Variants in FAR2 observed in about 807,000 individuals in gnomAD.
FAR2 encodes the protein fatty acyl-CoA reductase 2, also known as epididymis secretory protein Li 81.
In FAR2, 19 loss-of-function variants were observed where a neutral mutation model predicts 56.0. The observed-to-expected ratio is 0.34, with a 90% CI of 0.24 to 0.50. The LOEUF (loss-of-function observed/expected upper bound fraction) is 0.50, where lower values mean the gene tolerates loss of function less well. FAR2 is among the 20% of genes least tolerant of loss of function. The pLI is 0.98. For synonymous variants in FAR2, 219 were observed against 218.8 expected (o/e 1.00, Z -0.01); for missense variants, 508 against 642.2 (o/e 0.79, Z 2.26).
chr12:29,213,368 G>A (rs962511966), intron 1 of FAR2, among the ~76,000 whole-genome samples: 1 of 152,102 alleles, frequency 6.6e-6, no homozygotes, highest in African/African-American at 2.4e-5. Flanking sequence ...GAATCATAAA[G>A]GCCCCTGCCA....
intron 1 of FAR2, among the ~76,000 whole-genome samples, chr12:29,207,339 T>C (rs1947487606): frequency 6.6e-6 from 1 of 152,180 alleles, no homozygotes; most frequent in Non-Finnish European, 1.5e-5. Flanking sequence ...TTCTCTCAAA[T>C]ACAGGATCCT....
chr12:29,163,093 G>A (rs1206557654), intron 1 of FAR2, among the ~76,000 whole-genome samples: 1 of 152,158 alleles, frequency 6.6e-6, no homozygotes, highest in Non-Finnish European at 1.5e-5. Context: ...AGAGTGAGGG[G>A]AGACCTGGGA....
chr12:29,254,877 CAGG>C (rs1948290678), intron 1 of FAR2, among the ~76,000 whole-genome samples: 1 of 150,808 alleles, frequency 6.6e-6, no homozygotes, highest in Non-Finnish European at 1.5e-5. Context: ...CACTTGAACC[CAGG>C]AGGCGGAGGT....
intron 1 of FAR2, among the ~76,000 whole-genome samples, chr12:29,245,942 A>T (rs974335158): frequency 5.3e-5 from 8 of 152,064 alleles, no homozygotes; most frequent in Non-Finnish European, 8.8e-5. Context: ...TACACAAATG[A>T]TTTACTATTC....
At chr12:29,321,547 T>C (rs886519173) in intron 9 of FAR2, among the ~76,000 whole-genome samples, 7 of 152,172 alleles carry the variant, frequency 4.6e-5, no homozygotes, top group South Asian at 2.1e-4. Flanking sequence ...TCTTGAGAAA[T>C]AGGTGTTAGA....
intron 1 of FAR2, among the ~76,000 whole-genome samples, chr12:29,254,843 C>T (rs1948289871): frequency 2.0e-5 from 3 of 151,572 alleles, no homozygotes; most frequent in South Asian, 2.1e-4. Flanking sequence ...ATCCCAGCTA[C>T]TTGGGAGGCT....
At chr12:29,232,640 G>T (rs1023966740) in intron 1 of FAR2, among the ~76,000 whole-genome samples, 13 of 151,766 alleles carry the variant, frequency 8.6e-5, no homozygotes, top group Non-Finnish European at 1.9e-4. Context: ...ATCTTTTTTG[G>T]TCAGGCCATC....
At chr12:29,186,541 C>T (rs139638630) in intron 1 of FAR2, among the ~76,000 whole-genome samples, 1 of 152,188 alleles carries the variant, frequency 6.6e-6, no homozygotes, top group African/African-American at 2.4e-5. Flanking sequence ...TAAGGAGTTG[C>T]GAATTGATTT....
chr12:29,302,634 G>T (rs1246775800), intron 4 of FAR2, among the ~76,000 whole-genome samples: 1 of 152,208 alleles, frequency 6.6e-6, no homozygotes, highest in African/African-American at 2.4e-5. Flanking sequence ...ATGCAGTAGA[G>T]ATCCATTGAA....
At chr12:29,290,920 CCTA>C (rs1024701111) in intron 2 of FAR2, among the ~76,000 whole-genome samples, 2 of 152,004 alleles carry the variant, frequency 1.3e-5, no homozygotes, top group Non-Finnish European at 2.9e-5. Context: ...ATTAATAAGA[CCTA>C]CTATTTGATA....
intron 1 of FAR2, among the ~76,000 whole-genome samples, chr12:29,157,600 A>G (rs1002905489): frequency 9.9e-5 from 15 of 152,216 alleles, no homozygotes; most frequent in Admixed American, 5.2e-4. Flanking sequence ...CAGGATGACC[A>G]TAGGAGGCAA....
At chr12:29,316,292 A>G (rs1364091905) in intron 8 of FAR2, among the ~76,000 whole-genome samples, 1 of 152,250 alleles carries the variant, frequency 6.6e-6, no homozygotes. Flanking sequence ...TATTATGAAT[A>G]AAACTCTGGA....
chr12:29,184,145 T>A (rs1332830236), intron 1 of FAR2, among the ~76,000 whole-genome samples: 1 of 152,150 alleles, frequency 6.6e-6, no homozygotes, highest in Non-Finnish European at 1.5e-5. Context: ...GGCAGAAAAT[T>A]TCTGAGAGGC....
At chr12:29,223,082 C>T (rs1947715847) in intron 1 of FAR2, among the ~76,000 whole-genome samples, 1 of 152,108 alleles carries the variant, frequency 6.6e-6, no homozygotes. Context: ...ATCTCTTAGT[C>T]CTCCCAACAG....
intron 2 of FAR2, among the ~76,000 whole-genome samples, chr12:29,291,180 G>C (rs540200107): frequency 6.6e-6 from 1 of 152,070 alleles, no homozygotes; most frequent in South Asian, 2.1e-4. Flanking sequence ...AAGAAAAAAA[G>C]AATCAAGGAG....
At chr12:29,250,759 A>C (rs1336554833) in intron 1 of FAR2, among the ~76,000 whole-genome samples, 1 of 152,196 alleles carries the variant, frequency 6.6e-6, no homozygotes, top group Non-Finnish European at 1.5e-5. Flanking sequence ...CATATAGTGA[A>C]TGTGTTAGGA....
At chr12:29,237,742 ATAAC>A (rs1947962936) in intron 1 of FAR2, among the ~76,000 whole-genome samples, 1 of 152,226 alleles carries the variant, frequency 6.6e-6, no homozygotes, top group Admixed American at 6.5e-5. Context: ...ACTTAGGAAA[ATAAC>A]AGACAGCATT....
At chr12:29,280,785 G>A (rs149875232) in intron 2 of FAR2, 99 of 152,344 alleles carry the variant, frequency 6.5e-4, no homozygotes, top group Middle Eastern at 3.4e-3. Context: ...AAGAGGCACT[G>A]GACATCATGT....
At position 29,223,228 on chromosome 12, in the gene FAR2, T is replaced by A. The variant is rs373654158; in HGVS notation, c.-38-47184T>A. Among the ~76,000 whole-genome samples, 11 of 152,292 alleles carry A rather than the reference T, an allele frequency of 7.2e-5. No individual in the cohort carries two copies. The East Asian group carries it at 1.7e-3, about 24-fold the overall frequency. On this transcript the variant is annotated intron_variant, in intron 1 of 11. Coordinates refer to ENST00000536681, the MANE Select transcript of FAR2 (RefSeq NM_001271783.2). ...GTTACTCAATTATAATATGTCAGGT[T>A]TGTGATTGGAACCTAGCACTATAAC...
Sources: gnomAD v4.1 joint callset for allele counts (sites outside exome capture counted in the v4.1 genomes callset) on GRCh38, gnomAD v4.1.1 for gene constraint, MANE v1.5 for transcripts, NCBI Gene and HGNC (gene_info 2026-07-23, HGNC 2026-07-21) for gene names.